IREB2: variants seen among roughly 807,000 people sequenced by gnomAD.
The protein encoded by IREB2 is iron responsive element binding protein 2, also known as iron-responsive element-binding protein 2.
A neutral mutation model predicts 118.8 loss-of-function variants in IREB2; 39 were observed. The ratio of observed to expected loss-of-function variants is 0.33; its 90% CI spans 0.25 to 0.43. The LOEUF (loss-of-function observed/expected upper bound fraction) is 0.43, where lower values mean the gene tolerates loss of function less well. Ranked by LOEUF, IREB2 falls within the 20% of genes least tolerant of loss-of-function variation. The pLI, the probability that IREB2 is intolerant of heterozygous loss-of-function variation, is 1.00. For missense variants in IREB2, 900 were observed against 1,147.3 expected (o/e 0.78, Z 3.11); for synonymous variants, 372 against 392.2 (o/e 0.95, Z 0.61).
intron 1 of IREB2, among the ~76,000 whole-genome samples, chr15:78,439,235 T>C (rs970730682): frequency 6.6e-6 from 1 of 152,228 alleles, no homozygotes; most frequent in Non-Finnish European, 1.5e-5. Flanking sequence ...TTCTGTTACT[T>C]TTATTTTCAG....
rs546046493 is a variant in IREB2, at chr15:78,473,236, C to T, written c.884-6C>T. 42 of 1,612,264 alleles carry T rather than the reference C, an allele frequency of 2.6e-5. No homozygotes were observed. Among genetic ancestry groups the T allele is most frequent in the African/African-American group, 8.0e-5 (6 of 74,932 alleles). The stretch of plus-strand genomic sequence containing the variant: ...TGTGCTAATATACCTGTCTTTATTA[C>T]GTTAGGGGTTGGAGGCATTGAAACA... On this transcript the variant is annotated splice_polypyrimidine_tract_variant and splice_region_variant and intron_variant, in intron 7 of 21. Transcript: ENST00000258886.
intron 21 of IREB2, among the ~76,000 whole-genome samples, chr15:78,497,832 A>G (rs1023250239): frequency 5.3e-5 from 8 of 152,226 alleles, no homozygotes; most frequent in Non-Finnish European, 1.2e-4. Context: ...TTAACTATGA[A>G]GCCCATGGTC....
At chr15:78,455,059 G>A (rs960036376) in intron 2 of IREB2, among the ~76,000 whole-genome samples, 3 of 152,058 alleles carry the variant, frequency 2.0e-5, no homozygotes, top group Non-Finnish European at 2.9e-5. Context: ...GACCAGCTGC[G>A]GGGACGGGGT....
At chr15:78,453,031 C>A (rs1358214946) in intron 2 of IREB2, among the ~76,000 whole-genome samples, 2 of 152,142 alleles carry the variant, frequency 1.3e-5, no homozygotes, top group African/African-American at 4.8e-5. Flanking sequence ...CTTAGGAAAC[C>A]CAAGTCTTTT....
At chr15:78,465,203 G>A (rs1440582744) in intron 3 of IREB2, 48 bp from the exon 4 acceptor site, 2 of 1,474,380 alleles carry the variant, frequency 1.4e-6, no homozygotes, top group African/African-American at 2.8e-5. Context: ...TATTAAGCAT[G>A]TATAAAAAAC....
At position 78,463,052 on chromosome 15, in the gene IREB2, C is replaced by G. The variant is rs752570389; in HGVS notation, c.237C>G (p.Pro79=). The G allele has an allele frequency of 6.2e-7, 1 of 1,608,664 alleles. No homozygotes were observed. The highest frequency in any genetic ancestry group is 1.3e-5 in the African/African-American group (1 of 74,714). Residue 79 remains proline (P), a synonymous_variant, in exon 3 of 22, where the codon CCC becomes CCG. Transcript: ENST00000258886. ...CCAAACAAAGCAATGTTGAAGTGCC[C>G]TTTTTCCCTGCCCGTGTTCTTCTTC... ...WKTKQSNVEV[P]FFPARVLLQD...
intron 4 of IREB2, among the ~76,000 whole-genome samples, chr15:78,465,604 A>C (rs1033830942): frequency 5.9e-5 from 9 of 152,184 alleles, no homozygotes; most frequent in Admixed American, 1.3e-4. Context: ...GATAGAAATG[A>C]ATAAGCCTAG....
At position 78,471,755 on chromosome 15, in the gene IREB2, T is replaced by G. The variant is rs1373577034; in HGVS notation, c.714T>G (p.Val238=). Residue 238 remains valine, a synonymous_variant, in exon 7 of 22, where the codon GTT becomes GTG. Coordinates refer to ENST00000258886, the MANE Select transcript of IREB2 (RefSeq NM_004136.4). ...RLQFFKWSSR[V]FKNVAVIPPG... is the part of the protein sequence containing the mutation. The stretch of plus-strand genomic sequence containing the variant: ...ACAAAATATAGTGGAGTTCAAGAGT[T>G]TTTAAGAATGTGGCAGTGATCCCTC... 6.2e-7 allele frequency: 1 copy of G among 1,600,402 alleles called. No individual in the cohort carries two copies. The highest frequency in any genetic ancestry group is 8.5e-7 in the Non-Finnish European group (1 of 1,173,768).
intron 13 of IREB2, 116 bp downstream of exon 13, chr15:78,485,956 T>C: frequency 3.5e-6 from 3 of 855,414 alleles, no homozygotes; most frequent in Non-Finnish European, 5.4e-6. Flanking sequence ...TTAGTTTTAC[T>C]TGCTACCTTG....
chr15:78,466,700 A>G (rs2051289403), intron 5 of IREB2, among the ~76,000 whole-genome samples: 1 of 152,354 alleles, frequency 6.6e-6, no homozygotes, highest in Middle Eastern at 3.4e-3. Flanking sequence ...ACCATTACTA[A>G]GAAAGCAAAC....
At chr15:78,475,061 CAAAAAAAAAAAA>C (rs67418312) in intron 8 of IREB2, 3 of 69,950 alleles carry the variant, frequency 4.3e-5, no homozygotes, top group Admixed American at 2.0e-4. Flanking sequence ...GACTCTGTCT[CAAAAAAAAAAAA>C]AAAAAAAAAA....
At chr15:78,467,882 CAG>C (rs2051311648) in intron 5 of IREB2, among the ~76,000 whole-genome samples, 1 of 151,972 alleles carries the variant, frequency 6.6e-6, no homozygotes, top group South Asian at 2.1e-4. Context: ...TGTTTTGAGA[CAG>C]AGTCTCACTC....
At chr15:78,441,090 C>T (rs1009994287) in intron 2 of IREB2, among the ~76,000 whole-genome samples, 9 of 152,058 alleles carry the variant, frequency 5.9e-5, no homozygotes, top group South Asian at 2.1e-4. Context: ...TTAATTAAGA[C>T]GATTGTTCTT....
At chr15:78,482,381 C>G (rs2141508844) in intron 10 of IREB2, among the ~76,000 whole-genome samples, 1 of 152,104 alleles carries the variant, frequency 6.6e-6, no homozygotes, top group South Asian at 2.1e-4. Context: ...ATAGAAATGC[C>G]AGAAGAAATA....
intron 12 of IREB2, 36 bp downstream of exon 12, chr15:78,484,956 C>T (rs747403088): frequency 1.9e-6 from 3 of 1,586,744 alleles, no homozygotes; most frequent in East Asian, 2.2e-5. Flanking sequence ...TTTTCTTTTT[C>T]CTTAATTATT....
rs374684094 is a variant in IREB2, at chr15:78,499,303, TCAA to T, written c.*1164_*1166del. The T allele has an allele frequency of 5.3e-5, 8 of 152,352 alleles. No individual in the cohort carries two copies. The highest frequency in any genetic ancestry group is 1.9e-4 in the African/African-American group (8 of 41,586). The allele number at this position is 152,352 out of a possible 1,614,324, so 9.4% of individuals were successfully genotyped here. On this transcript the variant is annotated 3_prime_UTR_variant, in exon 22 of 22. Transcript: ENST00000258886. The stretch of plus-strand genomic sequence containing the variant: ...TCTGCCCATCACATCAAATGTTCTG[TCAA>T]CAAGATGTTTGGTAATTTTTTTTAA...
intron 5 of IREB2, 99 bp from the exon 6 acceptor site, chr15:78,470,433 A>T (rs1390458029): frequency 2.7e-5 from 17 of 621,338 alleles, no homozygotes; most frequent in Non-Finnish European, 4.2e-5. Context: ...TTAAGAATAT[A>T]TTTGTGTATA....
In IREB2 at chr15:78,447,646, C is replaced by T. The variant is rs983425920; in HGVS notation, c.106+7765C>T. Among the ~76,000 whole-genome samples, 10 of 151,746 alleles carry T rather than the reference C, an allele frequency of 6.6e-5. No homozygotes were observed. In the South Asian group the frequency reaches 2.1e-3, roughly 32 times the overall value. On this transcript the variant is annotated intron_variant, in intron 2 of 21. Coordinates refer to ENST00000258886, the MANE Select transcript of IREB2 (RefSeq NM_004136.4). ...ACTCCCGCTCTGATTTTTTTTTTAT[C>T]TTTTATAGAGACGGGAGTCTCCTGA...
intron 11 of IREB2, among the ~76,000 whole-genome samples, chr15:78,483,878 G>A (rs1266728095): frequency 2.0e-5 from 3 of 151,086 alleles, no homozygotes; most frequent in Non-Finnish European, 2.9e-5. Context: ...CCCCCCTCCC[G>A]GGCTCAAGCG....
Sources: gnomAD v4.1 joint callset for allele counts (sites outside exome capture counted in the v4.1 genomes callset) on GRCh38, gnomAD v4.1.1 for gene constraint, MANE v1.5 for transcripts, NCBI Gene and HGNC (gene_info 2026-07-23, HGNC 2026-07-21) for gene names.